Variants in GALNT17 observed in about 807,000 individuals in gnomAD.
GALNT17 encodes UDP-GalNAc:polypeptide N-acetylgalactosaminyltransferase-like 3.
GALNT17 carries 29 observed loss-of-function variants against 63.7 expected under a neutral mutation model. That is an observed-to-expected ratio of 0.46 (90% CI 0.34 to 0.62). The LOEUF is 0.62. Ranked by LOEUF, GALNT17 falls within the 20% of genes least tolerant of loss-of-function variation. GALNT17 has a pLI of 0.01. For synonymous variants in GALNT17, 305 were observed against 318.3 expected (o/e 0.96, Z 0.45); for missense variants, 603 against 799.6 (o/e 0.75, Z 2.97).
At chr7:71,462,666 G>A (rs181023460) in intron 5 of GALNT17, among the ~76,000 whole-genome samples, 16 of 152,288 alleles carry the variant, frequency 1.1e-4, no homozygotes, top group Middle Eastern at 3.4e-3. Context: ...AAACAAAGGC[G>A]GGAAGACTTG....
intron 5 of GALNT17, among the ~76,000 whole-genome samples, chr7:71,472,782 C>G (rs1787656891): frequency 6.6e-6 from 1 of 152,200 alleles, no homozygotes; most frequent in Admixed American, 6.5e-5. Flanking sequence ...AATGGACCCT[C>G]AGTCCAAATA....
chr7:71,169,561 T>C (rs1450774026), intron 1 of GALNT17, among the ~76,000 whole-genome samples: 2 of 152,194 alleles, frequency 1.3e-5, no homozygotes, highest in Non-Finnish European at 2.9e-5. Context: ...TGCTGCACTA[T>C]ATTTATTTAT....
intron 5 of GALNT17, among the ~76,000 whole-genome samples, chr7:71,514,791 C>T (rs2116734684): frequency 6.6e-6 from 1 of 152,296 alleles, no homozygotes; most frequent in East Asian, 1.9e-4. Context: ...GGCAGTGAAT[C>T]ATCCCTCACC....
chr7:71,317,822 CTA>C (rs896735399), intron 1 of GALNT17, among the ~76,000 whole-genome samples: 2 of 152,110 alleles, frequency 1.3e-5, no homozygotes, highest in Non-Finnish European at 2.9e-5. Flanking sequence ...CTTTATATTA[CTA>C]TATCTGGGTC....
At position 71,449,426 on chromosome 7, in the gene GALNT17, T is replaced by A. The variant is rs183167199; in HGVS notation, c.962+28321T>A. On this transcript the variant is annotated intron_variant, in intron 5 of 10. Transcript: ENST00000333538. ...GATAATCACATTATGTGATTTTTTT[T>A]AATAAGTAAGTAATTTGCCTCTTTA... Among the ~76,000 whole-genome samples the A allele has an allele frequency of 2.9e-4, 44 of 152,318 alleles. 5 individuals carry two copies. In the East Asian group the frequency reaches 2.9e-3, roughly 10 times the overall value.
At chr7:71,602,025 C>T (rs550345616) in intron 6 of GALNT17, among the ~76,000 whole-genome samples, 337 of 152,290 alleles carry the variant, frequency 2.2e-3, no homozygotes, top group African/African-American at 7.5e-3. Flanking sequence ...CCAGCTGACC[C>T]GTGCAAGACT....
intron 6 of GALNT17, among the ~76,000 whole-genome samples, chr7:71,592,759 C>T (rs1326433748): frequency 1.3e-5 from 2 of 152,014 alleles, no homozygotes; most frequent in Non-Finnish European, 2.9e-5. Flanking sequence ...AACATTTGTC[C>T]TTGAACATCA....
chr7:71,410,133 C>T (rs1475722840), intron 3 of GALNT17, among the ~76,000 whole-genome samples: 2 of 152,132 alleles, frequency 1.3e-5, no homozygotes, highest in African/African-American at 4.8e-5. Context: ...TTGTCCTAGT[C>T]ATTCTAGGAC....
chr7:71,679,706 T>A (rs1217380796), intron 9 of GALNT17, among the ~76,000 whole-genome samples: 1 of 151,712 alleles, frequency 6.6e-6, no homozygotes, highest in Admixed American at 6.6e-5. Flanking sequence ...GAGCAGATGG[T>A]GAGAGACCTA....
chr7:71,148,860 TTA>T (rs59163644), intron 1 of GALNT17, among the ~76,000 whole-genome samples: 7,001 of 103,120 alleles, frequency 0.068, 204 homozygotes, highest in Non-Finnish European at 0.074. Flanking sequence ...TATGGTATTT[TTA>T]TATATATATA....
intron 9 of GALNT17, among the ~76,000 whole-genome samples, chr7:71,683,148 TG>T (rs1441933927): frequency 6.6e-6 from 1 of 152,172 alleles, no homozygotes; most frequent in Non-Finnish European, 1.5e-5. Context: ...CCCCCGGCTC[TG>T]GGATGGACGC....
chr7:71,151,417 C>G (rs1463558799), intron 1 of GALNT17, among the ~76,000 whole-genome samples: 2 of 151,882 alleles, frequency 1.3e-5, no homozygotes, highest in Non-Finnish European at 2.9e-5. Flanking sequence ...GTCAGGAGAT[C>G]GAGACCATCC....
intron 1 of GALNT17, among the ~76,000 whole-genome samples, chr7:71,264,492 G>T (rs565943528): frequency 1.3e-5 from 2 of 152,238 alleles, no homozygotes; most frequent in Admixed American, 6.5e-5. Context: ...TTATGCAAAG[G>T]AAAGGAAATC....
chr7:71,526,330 C>A (rs545003638), intron 5 of GALNT17, among the ~76,000 whole-genome samples: 1 of 152,090 alleles, frequency 6.6e-6, no homozygotes, highest in Non-Finnish European at 1.5e-5. Flanking sequence ...AATCCACAGC[C>A]AATTCCTCAC....
intron 6 of GALNT17, among the ~76,000 whole-genome samples, chr7:71,654,700 G>T (rs369464073): frequency 4.0e-5 from 5 of 123,568 alleles, no homozygotes; most frequent in African/African-American, 1.3e-4. Flanking sequence ...TTTAACTTCA[G>T]GTATCTATGT....
intron 6 of GALNT17, among the ~76,000 whole-genome samples, chr7:71,573,165 C>T (rs1789478748): frequency 6.6e-6 from 1 of 151,514 alleles, no homozygotes; most frequent in African/African-American, 2.4e-5. Context: ...CGTGCCACTG[C>T]ACCTGGCTAA....
chr7:71,428,740 A>G (rs1170049437), intron 5 of GALNT17, among the ~76,000 whole-genome samples: 1 of 152,134 alleles, frequency 6.6e-6, no homozygotes, highest in African/African-American at 2.4e-5. Flanking sequence ...CCCGGCTGAC[A>G]TCGTTTTTAA....
intron 5 of GALNT17, among the ~76,000 whole-genome samples, chr7:71,567,142 G>T (rs188730162): frequency 6.6e-6 from 1 of 152,266 alleles, no homozygotes; most frequent in East Asian, 1.9e-4. Flanking sequence ...GTTAACTGAG[G>T]CCAGGGAATG....
chr7:71,370,554 G>T (rs938610711), intron 2 of GALNT17, among the ~76,000 whole-genome samples: 1 of 151,446 alleles, frequency 6.6e-6, no homozygotes, highest in South Asian at 2.1e-4. Flanking sequence ...GTGTGATCTC[G>T]GCTCACTGCA....
Sources: gnomAD v4.1 joint callset for allele counts (sites outside exome capture counted in the v4.1 genomes callset) on GRCh38, gnomAD v4.1.1 for gene constraint, MANE v1.5 for transcripts, NCBI Gene and HGNC (gene_info 2026-07-23, HGNC 2026-07-21) for gene names.